Variants in APCDD1L observed in about 807,000 individuals in gnomAD.
The protein encoded by APCDD1L is APC down-regulated 1 like.
In APCDD1L, 21 loss-of-function variants were observed where a neutral mutation model predicts 24.2. The ratio of observed to expected loss-of-function variants is 0.87; its 90% CI spans 0.61 to 1.25. APCDD1L has a LOEUF of 1.25. Ranked by LOEUF, APCDD1L falls within the 50% of genes most tolerant of loss-of-function variation. APCDD1L has a pLI of 0.00. For synonymous variants in APCDD1L, 321 were observed against 323.6 expected (o/e 0.99, Z 0.09); for missense variants, 704 against 711.7 (o/e 0.99, Z 0.12).
In APCDD1L at chr20:58,497,006, C is replaced by T. The variant is rs1051135897; in HGVS notation, c.49+17653G>A. On this transcript the variant is annotated intron_variant, in intron 1 of 3. Transcript: ENST00000371149. This position sits in a 1 kb window ranked among gnomAD's most constrained non-coding sequence, Gnocchi z 4.3. ...AAAGAAAAGTCGCGATGCAAATTTGCATATGTATACTAGAAGGTCTGAACT... is the reference window on the plus strand; with the variant it reads ...AAAGAAAAGTCGCGATGCAAATTTGTATATGTATACTAGAAGGTCTGAACT... 3.3e-5 allele frequency among the ~76,000 whole-genome samples: 5 copies of T among 152,292 alleles called. No homozygotes were observed. The highest frequency in any genetic ancestry group is 1.2e-4 in the African/African-American group (5 of 41,568).
intron 1 of APCDD1L, among the ~76,000 whole-genome samples, chr20:58,473,418 C>A (rs532555700): frequency 2.3e-4 from 35 of 152,306 alleles, no homozygotes; most frequent in Non-Finnish European, 4.3e-4. Context: ...GCATTCGGAA[C>A]ATGTACACAC....
At chr20:58,502,009 C>T (rs1990445411) in intron 1 of APCDD1L, among the ~76,000 whole-genome samples, 1 of 152,222 alleles carries the variant, frequency 6.6e-6, no homozygotes, top group Non-Finnish European at 1.5e-5. Flanking sequence ...CAGATATGCC[C>T]CATCTAATAG....
chr20:58,483,698 G>A (rs191842884), intron 1 of APCDD1L, among the ~76,000 whole-genome samples: 17 of 152,322 alleles, frequency 1.1e-4, no homozygotes, highest in African/African-American at 2.4e-4. Flanking sequence ...TACGGCCCCC[G>A]CTGGCTTGTG....
At chr20:58,513,431 G>C (rs1331569988) in intron 1 of APCDD1L, among the ~76,000 whole-genome samples, 1 of 152,116 alleles carries the variant, frequency 6.6e-6, no homozygotes, top group African/African-American at 2.4e-5. Context: ...TTCGACAGGT[G>C]AATCTGCAAC....
In APCDD1L at chr20:58,461,540, C is replaced by T. The variant is rs775511259; in HGVS notation, c.756G>A (p.Pro252=). Residue 252 remains proline, a synonymous_variant, in exon 4 of 4, where the codon CCG becomes CCA. Coordinates refer to ENST00000371149, the MANE Select transcript of APCDD1L (RefSeq NM_153360.3). This position sits in a 1 kb window ranked among gnomAD's most constrained non-coding sequence, Gnocchi z 6.0. ...GGGCAATGAGGCCACAGGCTGGGCA[C>T]GGCTGCACGTGGTGCTGGCAAAAGA... The part of the protein sequence containing the change: ...PLQSALHHVQ[P]CPACGLIARS... 2.2e-5 allele frequency: 32 copies of T among 1,427,366 alleles called. No homozygotes were observed. In the Admixed American group the frequency reaches 2.3e-4, roughly 10 times the overall value. The allele number at this position is 1,427,366 out of a possible 1,614,324, so 88.4% of individuals were successfully genotyped here.
intron 1 of APCDD1L, among the ~76,000 whole-genome samples, chr20:58,479,801 C>T (rs947700900): frequency 2.0e-5 from 3 of 152,088 alleles, no homozygotes; most frequent in Admixed American, 1.3e-4. Flanking sequence ...GATATGCTGG[C>T]TGCGATGGTG....
intron 1 of APCDD1L, among the ~76,000 whole-genome samples, chr20:58,514,361 G>A (rs1388508413): frequency 2.0e-5 from 3 of 152,208 alleles, no homozygotes; most frequent in Admixed American, 6.5e-5. Flanking sequence ...GGTCCCACTG[G>A]GCCCGGCACA....
At chr20:58,488,281 G>T (rs1227746764) in intron 1 of APCDD1L, among the ~76,000 whole-genome samples, 1 of 152,064 alleles carries the variant, frequency 6.6e-6, no homozygotes. Context: ...GTATACATAG[G>T]ATTTGGTATT....
intron 1 of APCDD1L, among the ~76,000 whole-genome samples, chr20:58,500,425 G>T (rs1238805695): frequency 6.6e-6 from 1 of 152,036 alleles, no homozygotes; most frequent in Non-Finnish European, 1.5e-5. Flanking sequence ...GGTCATATCC[G>T]GCCCCGCTCT....
rs1989569382 is a variant in APCDD1L at position 58,460,260 on chromosome 20, T to A, written c.*530A>T. The A allele has an allele frequency of 6.6e-6, 1 of 152,424 alleles. No individual in the cohort carries two copies. 9.4% of individuals were successfully genotyped at this position (152,424 alleles called of 1,614,324 possible). A position where few individuals can be genotyped will look rare whatever the true frequency, so the allele number is the denominator to read the frequency against. ...GAAGCACTGAAAGCCCGAAGTGGCA[T>A]CTTTAATTCATGGCACCACTTAGAG... On this transcript the variant is annotated 3_prime_UTR_variant, in exon 4 of 4. Transcript: ENST00000371149. The surrounding 1 kb of genome is among the most constrained non-coding windows in gnomAD (Gnocchi z 4.2).
rs1398482552 is a variant in APCDD1L, at chr20:58,497,644, G to A, written c.49+17015C>T. On this transcript the variant is annotated intron_variant, in intron 1 of 3. Transcript: ENST00000371149. The surrounding 1 kb of genome is among the most constrained non-coding windows in gnomAD (Gnocchi z 4.3). The stretch of plus-strand genomic sequence containing the variant: ...TGAGGATACTAGTCATGCTGGATGA[G>A]GGCCCACCTGAATGGCCTCATTTTA... Among the ~76,000 whole-genome samples, 1 of 152,120 alleles carries A rather than the reference G, an allele frequency of 6.6e-6. No individual in the cohort carries two copies. The highest frequency in any genetic ancestry group is 1.5e-5 in the Non-Finnish European group (1 of 68,026).
rs540667875 is a variant in APCDD1L, at chr20:58,509,626, C to G, written c.49+5033G>C. 3.3e-5 allele frequency among the ~76,000 whole-genome samples: 5 copies of G among 152,288 alleles called. No homozygotes were observed. In the South Asian group the frequency reaches 8.3e-4, roughly 25 times the overall value. On this transcript the variant is annotated intron_variant, in intron 1 of 3. Coordinates refer to ENST00000371149, the MANE Select transcript of APCDD1L (RefSeq NM_153360.3). ...CTCAGTAAGTATAGCCCATCACTGT[C>G]ACTGTCATTATTACCAGGCTCTGAA...
In APCDD1L at chr20:58,471,410, C is replaced by A. The variant is rs539574663; in HGVS notation, c.50-663G>T. 6.6e-5 allele frequency among the ~76,000 whole-genome samples: 10 copies of A among 152,272 alleles called. No homozygotes were observed. In the East Asian group the frequency reaches 1.9e-3, roughly 29 times the overall value. ...GCCCGGGCCGAGGTGTGAGGCCAAA[C>A]AATGCAGGCCCTGCCCTTCTTCAGG... On this transcript the variant is annotated intron_variant, in intron 1 of 3. Transcript: ENST00000371149.
chr20:58,511,089 C>T (rs1229379825), intron 1 of APCDD1L, among the ~76,000 whole-genome samples: 6 of 152,222 alleles, frequency 3.9e-5, no homozygotes, highest in Non-Finnish European at 8.8e-5. Context: ...ACTTCCAGCA[C>T]TCTCTGATGT....
In APCDD1L at chr20:58,460,607, C is replaced by T; in HGVS notation, c.*183G>A. 7.1e-6 allele frequency: 5 copies of T among 703,004 alleles called. No individual in the cohort carries two copies. Among genetic ancestry groups the T allele is most frequent in the Non-Finnish European group, 1.1e-5 (5 of 476,134 alleles). 43.5% of individuals were successfully genotyped at this position (703,004 alleles called of 1,614,324 possible). A position where few individuals can be genotyped will look rare whatever the true frequency, so the allele number is the denominator to read the frequency against. ...CCCGGGCTGTGGGATGTGGTATAGGCTTTGCAGGGGTTAAGCTCATGTCCT... is the reference window on the plus strand; with the variant it reads ...CCCGGGCTGTGGGATGTGGTATAGGTTTTGCAGGGGTTAAGCTCATGTCCT... On this transcript the variant is annotated 3_prime_UTR_variant, in exon 4 of 4. Transcript: ENST00000371149. This position sits in a 1 kb window ranked among gnomAD's most constrained non-coding sequence, Gnocchi z 4.2.
intron 1 of APCDD1L, among the ~76,000 whole-genome samples, chr20:58,486,940 C>T (rs1990129753): frequency 1.5e-5 from 2 of 137,804 alleles, no homozygotes; most frequent in South Asian, 4.6e-4. Context: ...TGGCTCACTG[C>T]AACCTCCGCC....
At chr20:58,514,280 T>G (rs1990692499) in intron 1 of APCDD1L, among the ~76,000 whole-genome samples, 1 of 152,112 alleles carries the variant, frequency 6.6e-6, no homozygotes, top group South Asian at 2.1e-4. Flanking sequence ...TTGGTCTGAA[T>G]AGCCGGGCTT....
intron 1 of APCDD1L, among the ~76,000 whole-genome samples, chr20:58,481,339 A>G (rs559091679): frequency 4.6e-5 from 7 of 152,354 alleles, no homozygotes; most frequent in South Asian, 2.1e-4. Context: ...GACACATTCA[A>G]TAAGAACGAA....
At chr20:58,465,162 C>T (rs544309740) in intron 3 of APCDD1L, among the ~76,000 whole-genome samples, 18 of 152,284 alleles carry the variant, frequency 1.2e-4, no homozygotes, top group African/African-American at 1.7e-4. Flanking sequence ...ATCAACTCAC[C>T]GCTAGCGCCT....
Sources: gnomAD v4.1 joint callset for allele counts (sites outside exome capture counted in the v4.1 genomes callset) on GRCh38, gnomAD v4.1.1 for gene constraint, Gnocchi (gnomAD v3.1) non-coding constraint, MANE v1.5 for transcripts, NCBI Gene and HGNC (gene_info 2026-07-23, HGNC 2026-07-21) for gene names.